EBF1: variants seen among roughly 807,000 people sequenced by gnomAD.
EBF1 encodes EBF transcription factor 1.
EBF1 carries 10 observed loss-of-function variants against 68.4 expected under a neutral mutation model. That is an observed-to-expected ratio of 0.15 (90% CI 0.09 to 0.25). The LOEUF is 0.25. Among genes scored for constraint, EBF1 ranks in the 10% least tolerant of loss-of-function variants. The pLI is 1.00. For missense variants in EBF1, 509 were observed against 794.4 expected (o/e 0.64, Z 4.32); for synonymous variants, 298 against 299.8 (o/e 0.99, Z 0.06).
At chr5:159,087,590 C>T (rs1203009105) in intron 4 of EBF1, among the ~76,000 whole-genome samples, 1 of 151,886 alleles carries the variant, frequency 6.6e-6, no homozygotes, top group African/African-American at 2.4e-5. Context: ...ACTAAGACTG[C>T]TGGTTCCATT....
intron 6 of EBF1, among the ~76,000 whole-genome samples, chr5:158,947,866 C>G (rs576453288): frequency 8.9e-4 from 135 of 152,254 alleles, no homozygotes; most frequent in Non-Finnish European, 6.5e-4. Context: ...GTGGAGCCCC[C>G]TTTTAAAAGT....
intron 9 of EBF1, among the ~76,000 whole-genome samples, chr5:158,784,428 T>C: frequency 6.6e-6 from 1 of 152,158 alleles, no homozygotes; most frequent in Non-Finnish European, 1.5e-5. Context: ...TGAAATGAAC[T>C]GGGAACATAG....
intron 6 of EBF1, among the ~76,000 whole-genome samples, chr5:159,051,702 G>A (rs1005108770): frequency 6.6e-6 from 1 of 151,928 alleles, no homozygotes; most frequent in Non-Finnish European, 1.5e-5. Context: ...CTACTGAGAG[G>A]CATTCAGAAG....
rs1763962133 is a variant in EBF1 at position 158,730,895 on chromosome 5, T to G, written c.1125+174A>C. ...ACAGATATAAAAGTAAGCACAGTGT[T>G]GCCTGGCACATAAGTGCTTGCTACT... On this transcript the variant is annotated intron_variant, in intron 11 of 15. Transcript: ENST00000313708. 3 of 582,214 alleles carry G rather than the reference T, an allele frequency of 5.2e-6. No homozygotes were observed. The East Asian group carries it at 8.5e-5, about 16-fold the overall frequency. The allele number at this position is 582,214 out of a possible 1,614,324, so 36.1% of individuals were successfully genotyped here. A position where few individuals can be genotyped will look rare whatever the true frequency, so the allele number is the denominator to read the frequency against.
chr5:158,828,835 T>C (rs1261475012), intron 7 of EBF1, among the ~76,000 whole-genome samples: 1 of 152,218 alleles, frequency 6.6e-6, no homozygotes, highest in Non-Finnish European at 1.5e-5. Context: ...ATCCATATAA[T>C]AGAATATCAT....
chr5:158,923,619 G>T (rs2127412509), intron 6 of EBF1, among the ~76,000 whole-genome samples: 1 of 152,246 alleles, frequency 6.6e-6, no homozygotes, highest in East Asian at 1.9e-4. Context: ...AAAAAGCCAC[G>T]TTATACCAAA....
chr5:158,801,667 TAA>T (rs11290189), intron 8 of EBF1, among the ~76,000 whole-genome samples: 26 of 128,148 alleles, frequency 2.0e-4, no homozygotes, highest in Middle Eastern at 4.0e-3. Flanking sequence ...AGGGAAGAAT[TAA>T]AAAAAAAAAA....
chr5:159,091,887 C>T (rs913644527), intron 4 of EBF1, among the ~76,000 whole-genome samples: 17 of 152,252 alleles, frequency 1.1e-4, no homozygotes, highest in Admixed American at 3.3e-4. Context: ...TATGTGACTA[C>T]GATTTCCTGC....
At chr5:158,714,935 A>G (rs1287227247) in intron 11 of EBF1, among the ~76,000 whole-genome samples, 1 of 151,988 alleles carries the variant, frequency 6.6e-6, no homozygotes, top group Non-Finnish European at 1.5e-5. Flanking sequence ...CCCTCTTTTT[A>G]CTTAGGTGGA....
intron 9 of EBF1, among the ~76,000 whole-genome samples, chr5:158,782,568 G>A (rs1221176140): frequency 6.6e-6 from 1 of 152,144 alleles, no homozygotes; most frequent in Non-Finnish European, 1.5e-5. Context: ...GGCTGAAGTG[G>A]GAGGATTGCT....
chr5:158,962,218 T>C (rs1246409704), intron 6 of EBF1, among the ~76,000 whole-genome samples: 1 of 152,182 alleles, frequency 6.6e-6, no homozygotes, highest in Non-Finnish European at 1.5e-5. Context: ...CCTTCTCAGA[T>C]GTTTTGAAAA....
chr5:159,059,454 A>T (rs180807837), intron 6 of EBF1, among the ~76,000 whole-genome samples: 1 of 152,232 alleles, frequency 6.6e-6, no homozygotes, highest in Admixed American at 6.5e-5. Context: ...CACTCTAAAT[A>T]AAGAAAATGA....
chr5:159,060,736 C>T lies in EBF1; in HGVS notation c.554+12660G>A, dbSNP rs6884216. Among the ~76,000 whole-genome samples the T allele has an allele frequency of 5.7e-3, 862 of 152,086 alleles. 10 individuals carry two copies. Among genetic ancestry groups the T allele is most frequent in the African/African-American group, 0.02 (815 of 41,464 alleles). On this transcript the variant is annotated intron_variant, in intron 6 of 15. Transcript: ENST00000313708. Reference sequence around the variant, plus strand: ...CAGCAAAATATATATGGTATATCACCCTCGTCCTTATTTTACAGGATGGCA... The same window carrying T: ...CAGCAAAATATATATGGTATATCACTCTCGTCCTTATTTTACAGGATGGCA...
intron 6 of EBF1, among the ~76,000 whole-genome samples, chr5:158,893,640 T>C (rs1219128189): frequency 6.6e-6 from 1 of 152,176 alleles, no homozygotes; most frequent in African/African-American, 2.4e-5. Context: ...GGCTCGTCAG[T>C]CTTCTAATAA....
chr5:158,945,638 C>T (rs1814494876), intron 6 of EBF1, among the ~76,000 whole-genome samples: 1 of 152,200 alleles, frequency 6.6e-6, no homozygotes, highest in Non-Finnish European at 1.5e-5. Context: ...GTGAATCTGA[C>T]AATTATGTGT....
At chr5:158,965,301 G>A (rs931012268) in intron 6 of EBF1, among the ~76,000 whole-genome samples, 1 of 152,144 alleles carries the variant, frequency 6.6e-6, no homozygotes, top group African/African-American at 2.4e-5. Flanking sequence ...TTTGCTTTGA[G>A]CAGTCCCCTT....
intron 6 of EBF1, among the ~76,000 whole-genome samples, chr5:159,054,650 A>G (rs746546721): frequency 1.3e-5 from 2 of 152,256 alleles, no homozygotes; most frequent in Non-Finnish European, 2.9e-5. Flanking sequence ...AAGGAATTAT[A>G]CACCCTAAAA....
intron 6 of EBF1, among the ~76,000 whole-genome samples, chr5:158,952,328 G>A (rs564871169): frequency 6.6e-6 from 1 of 152,308 alleles, no homozygotes; most frequent in East Asian, 1.9e-4. Flanking sequence ...GTTAAGTCTA[G>A]ATAAGGACAT....
At chr5:159,073,591 A>C (rs979756105) in intron 5 of EBF1, 127 bp from the exon 6 acceptor site, 61 of 963,338 alleles carry the variant, frequency 6.3e-5, no homozygotes, top group Non-Finnish European at 8.8e-5. Context: ...CCTGGCAATC[A>C]ACGGATCCCT....
Sources: gnomAD v4.1 joint callset for allele counts (sites outside exome capture counted in the v4.1 genomes callset) on GRCh38, gnomAD v4.1.1 for gene constraint, MANE v1.5 for transcripts, NCBI Gene and HGNC (gene_info 2026-07-23, HGNC 2026-07-21) for gene names.